Variants in C1QTNF2 observed in about 807,000 individuals in gnomAD.
The protein encoded by C1QTNF2 is C1q and TNF related 2.
A neutral mutation model predicts 17.4 loss-of-function variants in C1QTNF2; 15 were observed. That is an observed-to-expected ratio of 0.86 (90% CI 0.58 to 1.33). The LOEUF (loss-of-function observed/expected upper bound fraction) is 1.33, where lower values mean the gene tolerates loss of function less well. C1QTNF2 is among the 40% of genes most tolerant of loss of function. The pLI is 0.00. For synonymous variants in C1QTNF2, 154 were observed against 163.3 expected (o/e 0.94, Z 0.44); for missense variants, 381 against 392.3 (o/e 0.97, Z 0.24).
chr5:160,369,061 A>T (rs78041562), intron 1 of C1QTNF2, among the ~76,000 whole-genome samples: 16 of 4,642 alleles, frequency 3.4e-3, no homozygotes, highest in African/African-American at 0.025. Context: ...CTTTGAGTTT[A>T]AAAAAAAAAA....
chr5:160,356,731 A>G (rs531684471), intron 1 of C1QTNF2, among the ~76,000 whole-genome samples: 1 of 152,298 alleles, frequency 6.6e-6, no homozygotes, highest in Admixed American at 6.5e-5. Context: ...GGCATTACTC[A>G]GGCATTGACC....
intron 1 of C1QTNF2, among the ~76,000 whole-genome samples, chr5:160,360,806 T>TC (rs1764140018): frequency 6.6e-6 from 1 of 151,468 alleles, no homozygotes; most frequent in African/African-American, 2.4e-5. Flanking sequence ...CTTTTTTTTT[T>TC]TTTTTTTGAG....
chr5:160,363,280 G>A (rs1581039414), intron 1 of C1QTNF2, among the ~76,000 whole-genome samples: 1 of 152,192 alleles, frequency 6.6e-6, no homozygotes, highest in Non-Finnish European at 1.5e-5. Flanking sequence ...TCCTTTGGAG[G>A]AAAAAGCGGC....
chr5:160,357,860 A>G (rs970184031), intron 1 of C1QTNF2, among the ~76,000 whole-genome samples: 59 of 151,944 alleles, frequency 3.9e-4, no homozygotes, highest in African/African-American at 1.4e-3. Context: ...GCCGGACGAG[A>G]GAGAGGGAGA....
intron 2 of C1QTNF2, 53 bp downstream of exon 2, chr5:160,354,715 G>A (rs1764007276): frequency 6.2e-7 from 1 of 1,607,254 alleles, no homozygotes; most frequent in Non-Finnish European, 8.5e-7. Flanking sequence ...CCCCCCACAT[G>A]CCGGATGCTG....
intron 2 of C1QTNF2, among the ~76,000 whole-genome samples, chr5:160,353,272 A>C (rs1183154550): frequency 6.6e-6 from 1 of 152,214 alleles, no homozygotes; most frequent in Non-Finnish European, 1.5e-5. Flanking sequence ...CTACTGCTTA[A>C]AATGTAGGCT....
At chr5:160,362,017 C>T (rs1167083716) in intron 1 of C1QTNF2, among the ~76,000 whole-genome samples, 1 of 152,176 alleles carries the variant, frequency 6.6e-6, no homozygotes, top group African/African-American at 2.4e-5. Flanking sequence ...GAGCCTAGCG[C>T]AGCACTGCAT....
rs115110320 is a variant in C1QTNF2, at chr5:160,352,467, A to G, written c.244+2301T>C. 5.6e-3 allele frequency among the ~76,000 whole-genome samples: 854 copies of G among 152,286 alleles called. 7 individuals are homozygous for G. Among genetic ancestry groups the G allele is most frequent in the African/African-American group, 0.019 (804 of 41,552 alleles). On this transcript the variant is annotated intron_variant, in intron 2 of 2. Coordinates refer to ENST00000652664, the MANE Select transcript of C1QTNF2 (RefSeq NM_031908.6). ...GAGTTACATGCGCTGGGACTCTCCCAACACTGCCTTCCTTGGTGTGGTGGC... is the reference window on the plus strand; with the variant it reads ...GAGTTACATGCGCTGGGACTCTCCCGACACTGCCTTCCTTGGTGTGGTGGC...
chr5:160,364,048 C>G (rs775523510), intron 1 of C1QTNF2, among the ~76,000 whole-genome samples: 4 of 152,186 alleles, frequency 2.6e-5, no homozygotes, highest in Non-Finnish European at 5.9e-5. Context: ...AAAAAAGAAA[C>G]AGGTGAAATT....
rs1422184966 is a variant in C1QTNF2, at chr5:160,354,815, T to A, written c.197A>T (p.Asp66Val). Residue 66 changes from aspartate (D) to valine (V), a missense_variant, in exon 2 of 3, where the codon GAC becomes GTC. Transcript: ENST00000652664. ...GTCGCCGTCGTGTCCATCTTGGCCG[T>A]CTTTGCCAGGAAAGCCCATTCGTCC... ...MMGRMGFPGK[D>V]GQDGHDGDRG... 1 of 1,613,582 alleles carries A rather than the reference T, an allele frequency of 6.2e-7. No individual in the cohort carries two copies. Among genetic ancestry groups the A allele is most frequent in the Admixed American group, 1.7e-5 (1 of 59,992 alleles).
At chr5:160,360,985 G>A (rs1216143110) in intron 1 of C1QTNF2, among the ~76,000 whole-genome samples, 1 of 151,862 alleles carries the variant, frequency 6.6e-6, no homozygotes, top group African/African-American at 2.4e-5. Flanking sequence ...TAGTAGAGAC[G>A]GGGTTTCATC....
At position 160,353,053 on chromosome 5, in the gene C1QTNF2, A is replaced by G. The variant is rs147993764; in HGVS notation, c.244+1715T>C. ...AGAAGTTAAGTAGTTTGTCAAAATC[A>G]GTGTCCAGGTTTGTTTCCAAAGTTC... On this transcript the variant is annotated intron_variant, in intron 2 of 2. Transcript: ENST00000652664. Among the ~76,000 whole-genome samples the G allele has an allele frequency of 1.4e-3, 210 of 152,320 alleles. 1 individual carries two copies. Among genetic ancestry groups the G allele is most frequent in the African/African-American group, 4.9e-3 (203 of 41,584 alleles).
chr5:160,351,593 C>T (rs1763923327), intron 2 of C1QTNF2, among the ~76,000 whole-genome samples: 2 of 151,968 alleles, frequency 1.3e-5, no homozygotes, highest in Admixed American at 1.3e-4. Context: ...CTGACAATGC[C>T]TGGTATTATT....
At chr5:160,361,718 C>T (rs568898645) in intron 1 of C1QTNF2, among the ~76,000 whole-genome samples, 1 of 152,262 alleles carries the variant, frequency 6.6e-6, no homozygotes, top group East Asian at 1.9e-4. Context: ...CCTAAAATGC[C>T]CCCAGTCCTT....
At chr5:160,365,619 C>T (rs940418218) in intron 1 of C1QTNF2, among the ~76,000 whole-genome samples, 2 of 152,158 alleles carry the variant, frequency 1.3e-5, no homozygotes, top group African/African-American at 4.8e-5. Flanking sequence ...CAGGTCTACC[C>T]CTAGAGAAGC....
chr5:160,368,445 T>G (rs767143066), intron 1 of C1QTNF2, among the ~76,000 whole-genome samples: 1 of 151,496 alleles, frequency 6.6e-6, no homozygotes, highest in Non-Finnish European at 1.5e-5. Context: ...GGCAGAAGAA[T>G]TGCTTGAACC....
Position 160,349,797 on chromosome 5 carries a change from G to T in C1QTNF2, c.245-16C>A. The T allele has an allele frequency of 6.6e-7, 1 of 1,514,894 alleles. No individual in the cohort carries two copies. The highest frequency in any genetic ancestry group is 8.8e-7 in the Non-Finnish European group (1 of 1,142,842). 93.8% of individuals were successfully genotyped at this position (1,514,894 alleles called of 1,614,324 possible). ...CCAGGTGGACCTGGAAGACAGAGCA[G>T]CTGGTGTTATGGAGGGTCCTCACAG... On this transcript the variant is annotated splice_polypyrimidine_tract_variant and intron_variant, in intron 2 of 2. Transcript: ENST00000652664. The surrounding 1 kb of genome is among the most constrained non-coding windows in gnomAD (Gnocchi z 4.3).
Position 160,362,890 on chromosome 5 carries a change from G to A in C1QTNF2, c.-10+7622C>T, listed in dbSNP as rs146001457. Among the ~76,000 whole-genome samples the A allele has an allele frequency of 3.8e-3, 582 of 152,310 alleles. 5 individuals are homozygous for A. Among genetic ancestry groups the A allele is most frequent in the African/African-American group, 0.013 (535 of 41,546 alleles). ...ACATTTGCCCAGTCTGCCTTACAGGGTTATTCAGAGAATCAAATAAGATAG... is the reference window on the plus strand; with the variant it reads ...ACATTTGCCCAGTCTGCCTTACAGGATTATTCAGAGAATCAAATAAGATAG... On this transcript the variant is annotated intron_variant, in intron 1 of 2. Transcript: ENST00000652664.
At chr5:160,370,459 T>G in intron 1 of C1QTNF2, 53 bp downstream of exon 1, 1 of 1,381,396 alleles carries the variant, frequency 7.2e-7, no homozygotes, top group Non-Finnish European at 9.3e-7. Flanking sequence ...CTCCTCCTCC[T>G]CCTCCCCGCG....
Sources: allele counts gnomAD v4.1 joint callset (sites outside exome capture counted in the v4.1 genomes callset), GRCh38; gene constraint gnomAD v4.1.1; non-coding constraint Gnocchi (gnomAD v3.1); transcripts MANE v1.5; gene names NCBI Gene and HGNC (gene_info 2026-07-23, HGNC 2026-07-21).